The following PRDM1 variants were observed in gnomAD, a reference collection of about 807,000 sequenced individuals.
The protein encoded by PRDM1 is PR/SET domain 1, also known as PR domain zinc finger protein 1.
Under a neutral mutation model 62.8 loss-of-function variants are expected in PRDM1, and 13 were observed. The observed-to-expected ratio is 0.21, with a 90% CI of 0.13 to 0.33. PRDM1 has a LOEUF of 0.33. PRDM1 is among the 10% of genes least tolerant of loss of function. The pLI, the probability that PRDM1 is intolerant of heterozygous loss-of-function variation, is 1.00. For synonymous variants in PRDM1, 396 were observed against 417.6 expected, an observed-to-expected ratio of 0.95 and a Z score of 0.63; for missense variants, 895 against 1,058.8, an observed-to-expected ratio of 0.85 and a Z score of 2.15.
chr6:106,025,301 T>A (rs1268542304), intron 1 of PRDM1, among the ~76,000 whole-genome samples: 1 of 152,248 alleles, frequency 6.6e-6, no homozygotes, highest in Admixed American at 6.5e-5. Flanking sequence ...CTTTGTGTTG[T>A]TGGATTAGTT....
chr6:106,061,925 G>C (rs956130026), intron 1 of PRDM1, among the ~76,000 whole-genome samples: 4 of 152,148 alleles, frequency 2.6e-5, no homozygotes, highest in Admixed American at 2.6e-4. Flanking sequence ...ATATATTCAG[G>C]AGAGGATCTA....
rs2114661564 is a variant in PRDM1, at chr6:106,106,931, C to T, written c.1923C>T (p.Ser641=). ...TGTAGGTCTGCCACAAGAGATTTAG[C>T]AGCACCAGCAATCTCAAGACCCACC... ...HECQVCHKRF[S]STSNLKTHLR... The change falls in exon 7 of 7, where the codon AGC becomes AGT. Residue 641 remains serine (S), a synonymous_variant. Transcript: ENST00000369096. This position sits in a 1 kb window ranked among gnomAD's most constrained non-coding sequence, Gnocchi z 4.4. 6.2e-7 allele frequency: 1 copy of T among 1,613,378 alleles called. No homozygotes were observed. Among genetic ancestry groups the T allele is most frequent in the South Asian group, 1.1e-5 (1 of 90,990 alleles).
At chr6:106,085,086 G>C (rs947167209), upstream of PRDM1, among the ~76,000 whole-genome samples, 2 of 152,044 alleles carry the variant, frequency 1.3e-5, no homozygotes, top group Admixed American at 1.3e-4. Flanking sequence ...ATTGAGTTGG[G>C]CTTTTGTTTT....
At chr6:106,041,962 C>T (rs1270925943) in intron 1 of PRDM1, among the ~76,000 whole-genome samples, 2 of 151,262 alleles carry the variant, frequency 1.3e-5, no homozygotes, top group Non-Finnish European at 2.9e-5. Context: ...TGCATGCCAC[C>T]GTGTGTGGCT....
chr6:106,021,919 G>A (rs1235322586), intron 1 of PRDM1, among the ~76,000 whole-genome samples: 3 of 151,978 alleles, frequency 2.0e-5, no homozygotes, highest in African/African-American at 4.8e-5. Flanking sequence ...CGTGCCCAGC[G>A]TGAAATGTTT....
At chr6:106,011,355 CTTA>C (rs1376097065) in intron 1 of PRDM1, among the ~76,000 whole-genome samples, 5 of 152,132 alleles carry the variant, frequency 3.3e-5, no homozygotes, top group Non-Finnish European at 5.9e-5. Context: ...CTATTGTAAA[CTTA>C]TTATAAAAAG....
At chr6:106,097,335 C>T (rs975703167) in intron 3 of PRDM1, among the ~76,000 whole-genome samples, 2 of 152,190 alleles carry the variant, frequency 1.3e-5, no homozygotes, top group African/African-American at 4.8e-5. Context: ...TAAGAATCTC[C>T]CCCTCACTGT....
At chr6:105,993,848 A>G (rs1582418952) in intron 1 of PRDM1, among the ~76,000 whole-genome samples, 1 of 152,198 alleles carries the variant, frequency 6.6e-6, no homozygotes, top group Non-Finnish European at 1.5e-5. Flanking sequence ...TTAATTCTTC[A>G]GTCTTTTAAA....
Position 106,107,663 on chromosome 6 carries a change from A to T in PRDM1, c.*177A>T, listed in dbSNP as rs559041914. On this transcript the variant is annotated 3_prime_UTR_variant, in exon 7 of 7. Transcript: ENST00000369096. ...AAAGTTACTGAAATCTCAGGGCATG[A>T]ACAAGGCAAAGGCCATATATATATA... 40 of 385,188 alleles carry T rather than the reference A, an allele frequency of 1.0e-4. No individual in the cohort carries two copies. The highest frequency in any genetic ancestry group is 8.6e-4 in the African/African-American group (38 of 44,270). The allele number at this position is 385,188 out of a possible 1,614,324, so 23.9% of individuals were successfully genotyped here.
chr6:106,072,688 T>C (rs1773538009), intron 1 of PRDM1, among the ~76,000 whole-genome samples: 2 of 152,196 alleles, frequency 1.3e-5, no homozygotes, highest in South Asian at 4.1e-4. Flanking sequence ...GCCCCTTGTG[T>C]TGGGGAGCTG....
upstream of PRDM1, among the ~76,000 whole-genome samples, chr6:106,083,364 C>A (rs1773727311): frequency 6.6e-6 from 1 of 151,934 alleles, no homozygotes; most frequent in Admixed American, 6.6e-5. Context: ...TACATTTCAT[C>A]CCTTTTTTTT....
intron 2 of PRDM1, 94 bp from the exon 3 acceptor site, chr6:106,095,521 G>C: frequency 1.4e-6 from 2 of 1,388,026 alleles, no homozygotes; most frequent in East Asian, 4.7e-5. Context: ...ATTGTTAGTT[G>C]TATTACTACT....
intron 1 of PRDM1, among the ~76,000 whole-genome samples, chr6:106,027,900 C>G (rs993452119): frequency 1.3e-5 from 2 of 152,146 alleles, no homozygotes; most frequent in Non-Finnish European, 2.9e-5. Context: ...TGGCACTTAG[C>G]TCATTACACA....
In PRDM1 at chr6:106,086,609, A is replaced by ATT. The variant is rs760651087; in HGVS notation, c.42+25_42+26dup. 1.1e-4 allele frequency: 137 copies of ATT among 1,236,496 alleles called. No homozygotes were observed. The highest frequency in any genetic ancestry group is 1.7e-4 in the Admixed American group (7 of 40,876). 76.6% of individuals were successfully genotyped at this position (1,236,496 alleles called of 1,614,324 possible). On this transcript the variant is annotated intron_variant, in intron 1 of 6. Coordinates refer to ENST00000369096, the MANE Select transcript of PRDM1 (RefSeq NM_001198.4). ...GGTACGACCTTGGTAAGGAACTTGA[A>ATT]TTTTTTTTTTTTAATTCTGAAATTG...
chr6:106,105,065 G>A lies in PRDM1; in HGVS notation c.905G>A (p.Arg302Gln), dbSNP rs750126221. ...TACCCTCGGGTCGTTTACCCCATCC[G>A]GGCCCCTCTGCCAGAAGACTTTTTG... Reference protein sequence around the residue: ...PFYPRVVYPIRAPLPEDFLKA... With the variant: ...PFYPRVVYPIQAPLPEDFLKA... The change falls in exon 5 of 7, where the codon CGG (arginine) becomes CAG (glutamine). Residue 302 changes from arginine to glutamine, a missense_variant. Coordinates refer to ENST00000369096, the MANE Select transcript of PRDM1 (RefSeq NM_001198.4). 1.9e-6 allele frequency: 3 copies of A among 1,613,988 alleles called. No homozygotes were observed. The highest frequency in any genetic ancestry group is 2.5e-6 in the Non-Finnish European group (3 of 1,179,996).
At chr6:106,007,446 T>C (rs1772497166) in intron 1 of PRDM1, among the ~76,000 whole-genome samples, 1 of 151,906 alleles carries the variant, frequency 6.6e-6, no homozygotes, top group Admixed American at 6.6e-5. Flanking sequence ...AAAAAAACAT[T>C]ATTTGAGACA....
At chr6:106,102,967 T>C (rs1774317078) in intron 4 of PRDM1, among the ~76,000 whole-genome samples, 1 of 152,232 alleles carries the variant, frequency 6.6e-6, no homozygotes, top group African/African-American at 2.4e-5. Flanking sequence ...CTTAGTTGTC[T>C]TTCTCATCCT....
In PRDM1 at chr6:106,107,367, T is replaced by C. The variant is rs748004984; in HGVS notation, c.2359T>C (p.Ser787Pro). The C allele has an allele frequency of 6.2e-7, 1 of 1,614,146 alleles. No homozygotes were observed. Among genetic ancestry groups the C allele is most frequent in the Non-Finnish European group, 8.5e-7 (1 of 1,180,016 alleles). Residue 787 changes from serine to proline, a missense_variant, in exon 7 of 7, where the codon TCA (serine) becomes CCA (proline). Around this residue, in one of 4 missense-constraint regions of PRDM1, gnomAD observed 164 missense variants for 179.9 expected, o/e 0.91. Transcript: ENST00000369096. ...AAACATGGGGAATGGACTCCTCTCC[T>C]CAGGGTGCAGCCTTTATGAGTCATC... is the stretch of plus-strand genomic sequence containing the variant. ...QRNMGNGLLS[S>P]GCSLYESSDL...
In PRDM1 at chr6:106,108,228, GT is replaced by G. The variant is rs1411017098; in HGVS notation, c.*747del. 2 of 233,592 alleles carry G rather than the reference GT, an allele frequency of 8.6e-6. No homozygotes were observed. The highest frequency in any genetic ancestry group is 6.0e-5 in the East Asian group (1 of 16,710). The allele number at this position is 233,592 out of a possible 1,614,324, so 14.5% of individuals were successfully genotyped here. On this transcript the variant is annotated 3_prime_UTR_variant, in exon 7 of 7. Coordinates refer to ENST00000369096, the MANE Select transcript of PRDM1 (RefSeq NM_001198.4). ...TTGTATATTTTTGTTGATAGTTCAT[GT>G]TTTTCCCCCAGCCACAATTTTACCG...
Sources: allele counts gnomAD v4.1 joint callset (sites outside exome capture counted in the v4.1 genomes callset), GRCh38; gene constraint gnomAD v4.1.1; regional missense constraint gnomAD v4.1.1; non-coding constraint Gnocchi (gnomAD v3.1); transcripts MANE v1.5; gene names NCBI Gene and HGNC (gene_info 2026-07-23, HGNC 2026-07-21).